The following MCF2L2 variants were observed in gnomAD, a reference collection of about 807,000 sequenced individuals.
The protein encoded by MCF2L2 is MCF.2 cell line derived transforming sequence-like 2, also known as probable guanine nucleotide exchange factor MCF2L2.
MCF2L2 carries 102 observed loss-of-function variants against 150.2 expected under a neutral mutation model. The ratio of observed to expected loss-of-function variants is 0.68; its 90% CI spans 0.58 to 0.80. MCF2L2 has a LOEUF of 0.80. Among genes scored for constraint, MCF2L2 ranks in the 30% least tolerant of loss-of-function variants. MCF2L2 has a pLI of 0.00. For missense variants in MCF2L2, 1,256 were observed against 1,372.8 expected, an observed-to-expected ratio of 0.91 and a Z score of 1.34; for synonymous variants, 465 against 491.3, an observed-to-expected ratio of 0.95 and a Z score of 0.71.
chr3:183,242,369 C>T (rs11715002), intron 15 of MCF2L2, among the ~76,000 whole-genome samples: 1 of 152,184 alleles, frequency 6.6e-6, no homozygotes, highest in Non-Finnish European at 1.5e-5. Context: ...CCTCCCATCA[C>T]AGGCTCAGGC....
chr3:183,400,364 A>G (rs1369550548), intron 1 of MCF2L2: 3 of 451,474 alleles, frequency 6.6e-6, no homozygotes, highest in African/African-American at 6.0e-5. Context: ...TTTTTGCCAT[A>G]TATTCCAGCC....
At chr3:183,206,437 T>A (rs188631013) in intron 23 of MCF2L2, among the ~76,000 whole-genome samples, 8 of 152,340 alleles carry the variant, frequency 5.3e-5, no homozygotes, top group African/African-American at 1.9e-4. Context: ...GACTGTTAAC[T>A]TTCTACTGTA....
intron 15 of MCF2L2, among the ~76,000 whole-genome samples, chr3:183,273,809 C>G (rs115924510): frequency 0.026 from 3,916 of 152,282 alleles, 175 homozygotes; most frequent in African/African-American, 0.087. Flanking sequence ...GTACAGGTTT[C>G]TAGCCCAGGA....
At chr3:183,301,136 A>G (rs188992776) in intron 10 of MCF2L2, among the ~76,000 whole-genome samples, 72 of 151,692 alleles carry the variant, frequency 4.7e-4, no homozygotes, top group African/African-American at 1.6e-3. Flanking sequence ...TCTGCATGAC[A>G]CTTCGCTCTA....
intron 10 of MCF2L2, among the ~76,000 whole-genome samples, chr3:183,301,732 T>C (rs1045344087): frequency 2.7e-5 from 4 of 149,366 alleles, no homozygotes; most frequent in African/African-American, 1.0e-4. Flanking sequence ...GAAGAGGAGG[T>C]TGCAGTGAGC....
intron 1 of MCF2L2, among the ~76,000 whole-genome samples, chr3:183,399,932 A>C (rs557652641): frequency 6.6e-6 from 1 of 152,308 alleles, no homozygotes; most frequent in African/African-American, 2.4e-5. Context: ...GGTAATTTTA[A>C]AAAATAGAAA....
intron 10 of MCF2L2, among the ~76,000 whole-genome samples, chr3:183,307,991 G>C (rs1338727972): frequency 2.0e-5 from 3 of 152,204 alleles, no homozygotes; most frequent in Non-Finnish European, 2.9e-5. Context: ...ACAGATCTCA[G>C]ACCAAAGGTC....
chr3:183,337,591 C>T (rs1730537862), intron 5 of MCF2L2, among the ~76,000 whole-genome samples: 1 of 150,874 alleles, frequency 6.6e-6, no homozygotes, highest in Admixed American at 6.6e-5. Flanking sequence ...AAGAAACTAT[C>T]AGCCGTTTCC....
chr3:183,244,513 C>A (rs1385976569), intron 15 of MCF2L2, among the ~76,000 whole-genome samples: 2 of 152,164 alleles, frequency 1.3e-5, no homozygotes, highest in African/African-American at 4.8e-5. Context: ...TTCATATATT[C>A]ATCTATCCTA....
chr3:183,283,489 C>T lies in MCF2L2; in HGVS notation c.1776+5631G>A, dbSNP rs975156788. ...ATACCCTTCCTCATTCTGGAATGCCCTTCAGTGTCTTACCCACCTTTCAGA... is the reference window on the plus strand; with the variant it reads ...ATACCCTTCCTCATTCTGGAATGCCTTTCAGTGTCTTACCCACCTTTCAGA... On this transcript the variant is annotated intron_variant, in intron 14 of 29. Transcript: ENST00000328913. The surrounding 1 kb of genome is among the most constrained non-coding windows in gnomAD (Gnocchi z 4.2). Among the ~76,000 whole-genome samples the T allele has an allele frequency of 6.6e-6, 1 of 151,948 alleles. No homozygotes were observed. The highest frequency in any genetic ancestry group is 2.4e-5 in the African/African-American group (1 of 41,370).
intron 1 of MCF2L2, among the ~76,000 whole-genome samples, chr3:183,402,055 C>T (rs1267860150): frequency 6.6e-6 from 1 of 152,144 alleles, no homozygotes; most frequent in Admixed American, 6.5e-5. Flanking sequence ...AGAGACTACT[C>T]TGTTGAGTAA....
At chr3:183,414,032 G>A (rs967119143) in intron 1 of MCF2L2, among the ~76,000 whole-genome samples, 1 of 152,130 alleles carries the variant, frequency 6.6e-6, no homozygotes, top group African/African-American at 2.4e-5. Flanking sequence ...TTAGCCTATA[G>A]TTTGCTTTCC....
In MCF2L2 at chr3:183,179,797, C is replaced by T; in HGVS notation, c.3106-105G>A. 3.9e-6 allele frequency: 4 copies of T among 1,013,270 alleles called. No homozygotes were observed. Among genetic ancestry groups the T allele is most frequent in the Non-Finnish European group, 6.0e-6 (4 of 667,570 alleles). 62.8% of individuals were successfully genotyped at this position (1,013,270 alleles called of 1,614,324 possible). A position where few individuals can be genotyped will look rare whatever the true frequency, so the allele number is the denominator to read the frequency against. On this transcript the variant is annotated intron_variant, in intron 28 of 29. Transcript: ENST00000328913. The surrounding 1 kb of genome is among the most constrained non-coding windows in gnomAD (Gnocchi z 4.2). Reference sequence around the variant, plus strand: ...TGGCAGGCTGAGGCCCACCCCAGCCCTCCCACCTGGGCCACGGGGCTCTCA... The same window carrying T: ...TGGCAGGCTGAGGCCCACCCCAGCCTTCCCACCTGGGCCACGGGGCTCTCA...
chr3:183,403,274 T>TAAATAAAATA (rs56217537), intron 1 of MCF2L2, among the ~76,000 whole-genome samples: 5 of 151,466 alleles, frequency 3.3e-5, no homozygotes, highest in South Asian at 4.2e-4. Context: ...CGTCTCAAAA[T>TAAATAAAATA]AAATAAAATA....
Position 183,199,428 on chromosome 3 carries a change from C to A in MCF2L2, c.2885-4173G>T, listed in dbSNP as rs536691196. 4.6e-5 allele frequency among the ~76,000 whole-genome samples: 7 copies of A among 152,050 alleles called. No individual in the cohort carries two copies. In the South Asian group the frequency reaches 1.2e-3, roughly 27 times the overall value. ...GCTGTGGATTTTCCCACCAAATATC[C>A]CTGCAAACAAAGTGAAAGGATAAAG... is the stretch of plus-strand genomic sequence containing the variant. On this transcript the variant is annotated intron_variant, in intron 25 of 29. Transcript: ENST00000328913.
At chr3:183,277,566 G>A (rs1405511033) in intron 14 of MCF2L2, among the ~76,000 whole-genome samples, 1 of 151,756 alleles carries the variant, frequency 6.6e-6, no homozygotes, top group East Asian at 1.9e-4. Flanking sequence ...GGCTTTCACA[G>A]ATGCGTGATA....
chr3:183,220,238 G>A (rs1447803089), intron 20 of MCF2L2, among the ~76,000 whole-genome samples: 1 of 152,106 alleles, frequency 6.6e-6, no homozygotes, highest in Non-Finnish European at 1.5e-5. Context: ...ATATCTTACA[G>A]ATAAACCATT....
At chr3:183,374,898 G>A (rs1282390802) in intron 3 of MCF2L2, 3 of 152,104 alleles carry the variant, frequency 2.0e-5, no homozygotes, top group African/African-American at 4.8e-5. Context: ...CAGGAGCCTA[G>A]GAGAGTGAAA....
At chr3:183,195,957 G>A (rs964624100) in intron 25 of MCF2L2, among the ~76,000 whole-genome samples, 2 of 152,236 alleles carry the variant, frequency 1.3e-5, no homozygotes, top group East Asian at 1.9e-4. Context: ...GATTTCTGCC[G>A]GGACTGAGGC....
Sources: allele counts gnomAD v4.1 joint callset (sites outside exome capture counted in the v4.1 genomes callset), GRCh38; gene constraint gnomAD v4.1.1; non-coding constraint Gnocchi (gnomAD v3.1); transcripts MANE v1.5; gene names NCBI Gene and HGNC (gene_info 2026-07-23, HGNC 2026-07-21).